The following ROCK2 variants were observed in gnomAD, a reference collection of about 807,000 sequenced individuals.
ROCK2 encodes the protein Rho associated coiled-coil containing protein kinase 2, also known as rho-associated protein kinase 2.
Under a neutral mutation model 195.1 loss-of-function variants are expected in ROCK2, and 61 were observed. The ratio of observed to expected loss-of-function variants is 0.31; its 90% CI spans 0.25 to 0.39. The LOEUF (loss-of-function observed/expected upper bound fraction) is 0.39, where lower values mean the gene tolerates loss of function less well. ROCK2 is among the 10% of genes least tolerant of loss of function. The probability of loss-of-function intolerance (pLI) is 1.00; values close to 1 mark genes in which losing one functional copy is unlikely to be tolerated. For synonymous variants in ROCK2, 504 were observed against 545.5 expected (o/e 0.92, Z 1.06); for missense variants, 1,109 against 1,637.4 (o/e 0.68, Z 5.57).
At chr2:11,240,143 C>T (rs947782893) in intron 4 of ROCK2, among the ~76,000 whole-genome samples, 8 of 152,132 alleles carry the variant, frequency 5.3e-5, no homozygotes, top group Admixed American at 1.3e-4. Flanking sequence ...AATCACTGGC[C>T]GAATGATTAA....
chr2:11,226,015 A>G (rs1664800191), intron 6 of ROCK2, among the ~76,000 whole-genome samples: 1 of 152,222 alleles, frequency 6.6e-6, no homozygotes, highest in Non-Finnish European at 1.5e-5. Context: ...AGCAATAACC[A>G]TAGTCTTTTA....
chr2:11,341,204 C>G (rs540123572), intron 1 of ROCK2, among the ~76,000 whole-genome samples: 1 of 152,096 alleles, frequency 6.6e-6, no homozygotes, highest in Admixed American at 6.5e-5. Flanking sequence ...AAGCCATGAG[C>G]CTTTGCAGAG....
At chr2:11,317,022 T>C (rs540427674) in intron 1 of ROCK2, among the ~76,000 whole-genome samples, 2 of 152,236 alleles carry the variant, frequency 1.3e-5, no homozygotes, top group East Asian at 1.9e-4. Flanking sequence ...TGAGACCTTC[T>C]TCAGACTAAA....
intron 5 of ROCK2, among the ~76,000 whole-genome samples, chr2:11,231,583 C>T (rs988000930): frequency 3.9e-5 from 6 of 152,064 alleles, no homozygotes; most frequent in Admixed American, 1.3e-4. Flanking sequence ...ATGCATGACA[C>T]GCAAAGAGTA....
At chr2:11,271,824 G>C (rs934680662) in intron 3 of ROCK2, among the ~76,000 whole-genome samples, 1 of 152,076 alleles carries the variant, frequency 6.6e-6, no homozygotes, top group African/African-American at 2.4e-5. Context: ...TCAGGAGATC[G>C]AGACCATCCT....
intron 17 of ROCK2, 30 bp from the exon 18 acceptor site, chr2:11,211,870 CA>C: frequency 6.1e-6 from 9 of 1,481,736 alleles, no homozygotes; most frequent in South Asian, 3.9e-5. Context: ...CAGCTATCAA[CA>C]AAAAAGAGAC....
intron 1 of ROCK2, among the ~76,000 whole-genome samples, chr2:11,318,389 C>T (rs1429155607): frequency 6.6e-6 from 1 of 152,154 alleles, no homozygotes; most frequent in African/African-American, 2.4e-5. Flanking sequence ...TTTCATGTGT[C>T]TGTTGGCTGC....
Position 11,312,204 on chromosome 2 carries a change from A to T in ROCK2, c.142-24468T>A, listed in dbSNP as rs575037150. On this transcript the variant is annotated intron_variant, in intron 1 of 32. Transcript: ENST00000315872. ...TAAATTAACAAATTCATATTTTAAAATTTTCTCAGTTTTTAGCATATACTT... is the reference window on the plus strand; with the variant it reads ...TAAATTAACAAATTCATATTTTAAATTTTTCTCAGTTTTTAGCATATACTT... Among the ~76,000 whole-genome samples the T allele has an allele frequency of 7.2e-5, 11 of 152,260 alleles. No individual in the cohort carries two copies. The South Asian group carries it at 1.7e-3, about 23-fold the overall frequency.
intron 1 of ROCK2, among the ~76,000 whole-genome samples, chr2:11,338,478 C>T (rs1295307302): frequency 1.3e-5 from 2 of 152,028 alleles, no homozygotes; most frequent in Non-Finnish European, 1.5e-5. Context: ...AATACAGTAT[C>T]GTATTAGGCA....
intron 1 of ROCK2, among the ~76,000 whole-genome samples, chr2:11,316,646 G>A (rs916102518): frequency 6.6e-6 from 1 of 152,136 alleles, no homozygotes; most frequent in Admixed American, 6.6e-5. Flanking sequence ...TCTGGAACAT[G>A]CAGGCTTTAA....
chr2:11,195,113 AAAAC>A (rs1243445856), intron 27 of ROCK2, 88 bp from the exon 28 acceptor site: 2 of 643,066 alleles, frequency 3.1e-6, no homozygotes, highest in Non-Finnish European at 5.2e-6. Flanking sequence ...TGAAATTTAT[AAAAC>A]AAATAAAATA....
At chr2:11,234,341 C>T (rs1201160729) in intron 5 of ROCK2, 2 of 151,982 alleles carry the variant, frequency 1.3e-5, no homozygotes, top group Admixed American at 6.6e-5. Flanking sequence ...ACCCTAGTGC[C>T]AAAAGTTTTT....
intron 7 of ROCK2, among the ~76,000 whole-genome samples, chr2:11,223,733 C>T (rs577646257): frequency 6.6e-6 from 1 of 152,078 alleles, no homozygotes; most frequent in South Asian, 2.1e-4. Flanking sequence ...TAAAACGGGA[C>T]ATTAGAAAAA....
intron 20 of ROCK2, among the ~76,000 whole-genome samples, chr2:11,207,494 C>A (rs1487356018): frequency 6.6e-6 from 1 of 152,176 alleles, no homozygotes; most frequent in Admixed American, 6.5e-5. Flanking sequence ...TGCCTCATCA[C>A]CAACACTTCC....
At chr2:11,297,189 T>A (rs1356863285) in intron 1 of ROCK2, among the ~76,000 whole-genome samples, 1 of 152,108 alleles carries the variant, frequency 6.6e-6, no homozygotes, top group African/African-American at 2.4e-5. Context: ...TTTAAAAAAT[T>A]AATGTTTAAA....
intron 4 of ROCK2, among the ~76,000 whole-genome samples, chr2:11,247,883 G>A (rs1324128812): frequency 6.6e-6 from 1 of 152,078 alleles, no homozygotes; most frequent in Non-Finnish European, 1.5e-5. Context: ...TTAACCAGGT[G>A]TGGTAGTGAG....
intron 18 of ROCK2, among the ~76,000 whole-genome samples, chr2:11,209,097 T>A (rs970986019): frequency 6.6e-6 from 1 of 152,248 alleles, no homozygotes; most frequent in Non-Finnish European, 1.5e-5. Context: ...TCTATGTCTC[T>A]CAGTGTTACT....
Position 11,192,790 on chromosome 2 carries a change from TA to T in ROCK2, c.3688-79del. 7.0e-7 allele frequency: 1 copy of T among 1,428,686 alleles called. No homozygotes were observed. Among genetic ancestry groups the T allele is most frequent in the Non-Finnish European group, 9.4e-7 (1 of 1,065,556 alleles). 88.5% of individuals were successfully genotyped at this position (1,428,686 alleles called of 1,614,324 possible). On this transcript the variant is annotated intron_variant, in intron 30 of 32. Coordinates refer to ENST00000315872, the MANE Select transcript of ROCK2 (RefSeq NM_004850.5). The surrounding 1 kb of genome is among the most constrained non-coding windows in gnomAD (Gnocchi z 5.0). ...GTAGGAACAATTCTGATAGTGTAAG[TA>T]AAATAAAATTAGCCTAAATTATTCA...
intron 1 of ROCK2, among the ~76,000 whole-genome samples, chr2:11,320,221 A>T (rs879446149): frequency 4.5e-4 from 68 of 152,210 alleles, no homozygotes; most frequent in Middle Eastern, 6.3e-3. Context: ...CTTTAAAAAA[A>T]TTTTTTTAAG....
Sources: allele counts gnomAD v4.1 joint callset (sites outside exome capture counted in the v4.1 genomes callset), GRCh38; gene constraint gnomAD v4.1.1; non-coding constraint Gnocchi (gnomAD v3.1); transcripts MANE v1.5; gene names NCBI Gene and HGNC (gene_info 2026-07-23, HGNC 2026-07-21).